CGNL1: variants seen among roughly 807,000 people sequenced by gnomAD.
CGNL1 encodes cingulin-like protein 1.
In CGNL1, 132 loss-of-function variants were observed where a neutral mutation model predicts 141.2. That is an observed-to-expected ratio of 0.93 (90% CI 0.81 to 1.08). CGNL1 has a LOEUF of 1.08. Ranked by LOEUF, CGNL1 falls within the 50% of genes least tolerant of loss-of-function variation. The probability of loss-of-function intolerance (pLI) is 0.00; values close to 1 mark genes in which losing one functional copy is unlikely to be tolerated. For synonymous variants in CGNL1, 690 were observed against 622.1 expected (o/e 1.11, Z -1.63); for missense variants, 1,870 against 1,588.6 (o/e 1.18, Z -3.01).
chr15:57,418,257 C>G (rs2062872113), intron 1 of CGNL1, among the ~76,000 whole-genome samples: 1 of 152,194 alleles, frequency 6.6e-6, no homozygotes, highest in Non-Finnish European at 1.5e-5. Flanking sequence ...TCCATATTTC[C>G]TGCCACTGTG....
At chr15:57,467,034 T>C (rs1488539836) in intron 8 of CGNL1, among the ~76,000 whole-genome samples, 1 of 152,188 alleles carries the variant, frequency 6.6e-6, no homozygotes, top group Admixed American at 6.5e-5. Context: ...TGTGAGATAC[T>C]CTTGCCATCC....
chr15:57,525,711 G>A (rs2031567538), intron 12 of CGNL1, among the ~76,000 whole-genome samples: 1 of 151,976 alleles, frequency 6.6e-6, no homozygotes, highest in Non-Finnish European at 1.5e-5. Flanking sequence ...TCAAAGAAAA[G>A]TCACCCATGA....
intron 12 of CGNL1, chr15:57,527,374 C>T (rs1057304865): frequency 6.6e-6 from 1 of 152,244 alleles, no homozygotes; most frequent in African/African-American, 2.4e-5. Flanking sequence ...AGAAGGGTGG[C>T]ATTCTGTAGC....
At chr15:57,453,601 C>G in intron 6 of CGNL1, 82 bp from the exon 7 acceptor site, 1 of 1,543,578 alleles carries the variant, frequency 6.5e-7, no homozygotes, top group Non-Finnish European at 8.8e-7. Context: ...ACTTGTGTAA[C>G]CCTCTGAAGA....
chr15:57,520,045 C>T (rs2031142623), intron 10 of CGNL1, among the ~76,000 whole-genome samples: 1 of 152,220 alleles, frequency 6.6e-6, no homozygotes, highest in African/African-American at 2.4e-5. Flanking sequence ...GAAATTATCC[C>T]TGACATGTTA....
chr15:57,478,758 C>G (rs2063688508), intron 8 of CGNL1, among the ~76,000 whole-genome samples: 1 of 152,148 alleles, frequency 6.6e-6, no homozygotes, highest in Non-Finnish European at 1.5e-5. Context: ...TCCAGCTCAG[C>G]CTACAGAGTA....
rs374563401 is a variant in CGNL1, at chr15:57,516,863, G to T, written c.2487G>T (p.Glu829Asp). The T allele has an allele frequency of 6.2e-7, 1 of 1,614,150 alleles. No individual in the cohort carries two copies. Among genetic ancestry groups the T allele is most frequent in the African/African-American group, 1.3e-5 (1 of 75,058 alleles). The stretch of plus-strand genomic sequence containing the variant: ...AAATGCGCGTGAAGCTTCTGCAGGA[G>T]GAGAATGAGAAGCTGCAGGGAAGAA... ...GTEMRVKLLQ[E>D]ENEKLQGRSE... The change falls in exon 9 of 19, where the codon GAG (glutamate) becomes GAT (aspartate). Residue 829 changes from glutamate (E) to aspartate (D), a missense_variant. Physicochemically the swap from Glu to Asp is conservative, Grantham distance 45. Transcript: ENST00000281282.
At chr15:57,533,855 A>T (rs1352402818) in intron 14 of CGNL1, among the ~76,000 whole-genome samples, 4 of 152,188 alleles carry the variant, frequency 2.6e-5, no homozygotes, top group East Asian at 3.9e-4. Flanking sequence ...TTAGGGGGGA[A>T]GTTAAGGGAA....
At chr15:57,498,588 C>T (rs1190317155) in intron 8 of CGNL1, among the ~76,000 whole-genome samples, 1 of 152,094 alleles carries the variant, frequency 6.6e-6, no homozygotes, top group Admixed American at 6.5e-5. Context: ...TGTATTAAGC[C>T]TATGAGCAAA....
chr15:57,410,132 C>G (rs1416724764), intron 1 of CGNL1, among the ~76,000 whole-genome samples: 1 of 152,146 alleles, frequency 6.6e-6, no homozygotes, highest in Admixed American at 6.5e-5. Context: ...GAGGGTCAGG[C>G]CCGAGGTAGC....
chr15:57,539,840 C>A (rs1161303301), intron 14 of CGNL1, among the ~76,000 whole-genome samples: 3 of 152,210 alleles, frequency 2.0e-5, no homozygotes, highest in Non-Finnish European at 4.4e-5. Flanking sequence ...TGTTCTGTGG[C>A]TTCCACCGGC....
At chr15:57,534,088 CAAG>C (rs1424263785) in intron 14 of CGNL1, among the ~76,000 whole-genome samples, 4 of 152,196 alleles carry the variant, frequency 2.6e-5, no homozygotes, top group Non-Finnish European at 5.9e-5. Context: ...TGCAATGCTG[CAAG>C]AAGGTTTCAT....
chr15:57,531,281 A>G (rs185687589), intron 13 of CGNL1, among the ~76,000 whole-genome samples: 68 of 152,348 alleles, frequency 4.5e-4, no homozygotes, highest in African/African-American at 1.6e-3. Flanking sequence ...TCTTGCAGAC[A>G]AAAGATTGTC....
intron 1 of CGNL1, among the ~76,000 whole-genome samples, chr15:57,387,413 G>A (rs2062495800): frequency 6.6e-6 from 1 of 152,012 alleles, no homozygotes; most frequent in Admixed American, 6.6e-5. Flanking sequence ...TTCTTGGCCA[G>A]CCTTATTTTT....
intron 1 of CGNL1, among the ~76,000 whole-genome samples, chr15:57,410,369 A>T (rs11071313): frequency 0.32 from 49,032 of 152,138 alleles, 8,115 homozygotes; most frequent in African/African-American, 0.36. Context: ...CTTAGTTGAT[A>T]TGGAGGATGG....
chr15:57,525,152 C>G (rs1235244105), intron 12 of CGNL1, among the ~76,000 whole-genome samples: 1 of 152,128 alleles, frequency 6.6e-6, no homozygotes, highest in Non-Finnish European at 1.5e-5. Context: ...TTTGAAAATA[C>G]AGACTTTTAT....
chr15:57,538,016 C>T (rs1196998549), intron 14 of CGNL1, among the ~76,000 whole-genome samples: 2 of 152,182 alleles, frequency 1.3e-5, no homozygotes, highest in Non-Finnish European at 2.9e-5. Context: ...CCCCGCCACC[C>T]CCCGCCCCAG....
chr15:57,454,833 TACAAAG>T (rs2063359607), intron 7 of CGNL1, among the ~76,000 whole-genome samples: 1 of 151,560 alleles, frequency 6.6e-6, no homozygotes, highest in African/African-American at 2.4e-5. Context: ...GGCTCAGAGT[TACAAAG>T]ACAAGAAGAT....
intron 1 of CGNL1, among the ~76,000 whole-genome samples, chr15:57,379,048 T>TGTG (rs1212230676): frequency 1.3e-5 from 2 of 151,528 alleles, no homozygotes; most frequent in Non-Finnish European, 2.9e-5. Context: ...ACTGTTTTTT[T>TGTG]TGTGTGTGTG....
Sources: allele counts gnomAD v4.1 joint callset (sites outside exome capture counted in the v4.1 genomes callset), GRCh38; gene constraint gnomAD v4.1.1; transcripts MANE v1.5; gene names NCBI Gene and HGNC (gene_info 2026-07-23, HGNC 2026-07-21).